ZBTB38: variants seen among roughly 807,000 people sequenced by gnomAD.
ZBTB38 encodes the protein zinc finger and BTB domain-containing protein 38.
Under a neutral mutation model 76.8 loss-of-function variants are expected in ZBTB38, and 20 were observed. That is an observed-to-expected ratio of 0.26 (90% CI 0.18 to 0.38). ZBTB38 has a LOEUF of 0.38. Ranked by LOEUF, ZBTB38 falls within the 10% of genes least tolerant of loss-of-function variation. The pLI is 1.00. For synonymous variants in ZBTB38, 504 were observed against 544.2 expected, an observed-to-expected ratio of 0.93 and a Z score of 1.03; for missense variants, 1,082 against 1,482.3, an observed-to-expected ratio of 0.73 and a Z score of 4.43.
intron 2 of ZBTB38, among the ~76,000 whole-genome samples, chr3:141,371,041 C>CTTTTTTTT (rs1944488920): frequency 1.1e-4 from 8 of 75,468 alleles, no homozygotes; most frequent in African/African-American, 4.6e-4. Context: ...TCTTTTCTTT[C>CTTTTTTTT]TTTCTTTTTT....
At chr3:141,428,197 A>C (rs545517817) in intron 5 of ZBTB38, among the ~76,000 whole-genome samples, 2 of 152,264 alleles carry the variant, frequency 1.3e-5, no homozygotes, top group East Asian at 3.9e-4. Context: ...GTTGCCCCCA[A>C]CTGCCCAACC....
At chr3:141,405,081 TAGTA>T (rs1222283537) in intron 5 of ZBTB38, among the ~76,000 whole-genome samples, 1 of 152,262 alleles carries the variant, frequency 6.6e-6, no homozygotes, top group East Asian at 1.9e-4. Flanking sequence ...TTATAAATGA[TAGTA>T]AGGCCTTCTC....
At chr3:141,376,788 T>C (rs1945420745) in intron 2 of ZBTB38, among the ~76,000 whole-genome samples, 1 of 151,958 alleles carries the variant, frequency 6.6e-6, no homozygotes, top group East Asian at 1.9e-4. Flanking sequence ...GAGACAAAAA[T>C]AGGAGTTCCA....
Position 141,368,577 on chromosome 3 carries a change from C to G in ZBTB38, c.-537C>G, listed in dbSNP as rs1944083453. 1 of 152,236 alleles carries G rather than the reference C, an allele frequency of 6.6e-6. No individual in the cohort carries two copies. Among genetic ancestry groups the G allele is most frequent in the Non-Finnish European group, 1.5e-5 (1 of 68,036 alleles). The allele number at this position is 152,236 out of a possible 1,614,324, so 9.4% of individuals were successfully genotyped here. On this transcript the variant is annotated 5_prime_UTR_variant, in exon 1 of 6. The change creates a new upstream start codon in the 5' untranslated region. Coordinates refer to ENST00000321464, the MANE Select transcript of ZBTB38 (RefSeq NM_001376113.1). ...CAACGGCCTTTCTCTTCCTCTCCAT[C>G]TCCCTATAGCACACCTTTTATTTCT...
rs2073283871 is a variant in ZBTB38, at chr3:141,413,922, TC to T, written c.-1+9892del. Among the ~76,000 whole-genome samples the T allele has an allele frequency of 6.6e-6, 1 of 152,214 alleles. No individual in the cohort carries two copies. The highest frequency in any genetic ancestry group is 2.4e-5 in the African/African-American group (1 of 41,458). On this transcript the variant is annotated intron_variant, in intron 5 of 5. Transcript: ENST00000321464. This position sits in a 1 kb window ranked among gnomAD's most constrained non-coding sequence, Gnocchi z 4.1. The stretch of plus-strand genomic sequence containing the variant: ...AAAGGGATCCTTAAGAAATAGTATG[TC>T]ACCCAAATATATTCTGTGGTAAGGC...
At position 141,341,497 on chromosome 3, in the gene ZBTB38, A is replaced by G. The variant is rs1366025389; in HGVS notation, c.-739+17041A>G. Among the ~76,000 whole-genome samples, 4 of 152,242 alleles carry G rather than the reference A, an allele frequency of 2.6e-5. No individual in the cohort carries two copies. In the East Asian group the frequency reaches 7.7e-4, roughly 29 times the overall value. The stretch of plus-strand genomic sequence containing the variant: ...CACACCATAGATGGTATCCATATAT[A>G]CAATGGAATATTATTCAGGAGAATT... On this transcript the variant is annotated intron_variant, in intron 1 of 7. Coordinates refer to the ZBTB38 transcript ENST00000509842.
At chr3:141,410,833 A>G (rs900841130) in intron 5 of ZBTB38, among the ~76,000 whole-genome samples, 1 of 152,218 alleles carries the variant, frequency 6.6e-6, no homozygotes, top group African/African-American at 2.4e-5. Context: ...ACATTTACGC[A>G]GGGAGAGAGG....
chr3:141,410,912 A>G (rs1052756535), intron 5 of ZBTB38, among the ~76,000 whole-genome samples: 2 of 152,276 alleles, frequency 1.3e-5, no homozygotes, highest in East Asian at 1.9e-4. Flanking sequence ...ATGCATTTTC[A>G]TGAAAAATCC....
chr3:141,441,534 A>G (rs975220402), intron 5 of ZBTB38, among the ~76,000 whole-genome samples: 3 of 152,214 alleles, frequency 2.0e-5, no homozygotes, highest in Non-Finnish European at 4.4e-5. Context: ...GAGTCACCAT[A>G]GGGCCAATAG....
At chr3:141,345,179 G>A (rs1422282241) in intron 1 of ZBTB38, among the ~76,000 whole-genome samples, 2 of 152,108 alleles carry the variant, frequency 1.3e-5, no homozygotes, top group African/African-American at 2.4e-5. Context: ...GGAAAAATGG[G>A]GCACCCACTC....
At chr3:141,422,613 C>T (rs996097251) in intron 5 of ZBTB38, among the ~76,000 whole-genome samples, 2 of 152,146 alleles carry the variant, frequency 1.3e-5, no homozygotes, top group Non-Finnish European at 2.9e-5. Flanking sequence ...AATCTCTTTA[C>T]TTGGACGGGA....
intron 1 of ZBTB38, among the ~76,000 whole-genome samples, chr3:141,358,617 AT>A (rs1381751739): frequency 1.3e-5 from 2 of 152,172 alleles, no homozygotes; most frequent in African/African-American, 4.8e-5. Context: ...TATAATTCAA[AT>A]TTTTTTAGTA....
chr3:141,428,313 T>C (rs575305834), intron 5 of ZBTB38, among the ~76,000 whole-genome samples: 2 of 152,334 alleles, frequency 1.3e-5, no homozygotes, highest in African/African-American at 2.4e-5. Context: ...TTGTGCCATA[T>C]AGAACAAGTC....
intron 1 of ZBTB38, among the ~76,000 whole-genome samples, chr3:141,345,950 T>C (rs564955792): frequency 6.6e-6 from 1 of 152,064 alleles, no homozygotes; most frequent in South Asian, 2.1e-4. Context: ...AGGGTATGAG[T>C]GGAAGGCAAT....
At chr3:141,349,203 G>T in intron 1 of ZBTB38, among the ~76,000 whole-genome samples, 1 of 152,150 alleles carries the variant, frequency 6.6e-6, no homozygotes, top group Admixed American at 6.5e-5. Context: ...CCCCAAAAAT[G>T]AAACTCCTGA....
At position 141,446,013 on chromosome 3, in the gene ZBTB38, G is replaced by T. The variant is rs1296664955; in HGVS notation, c.*37G>T. 1.3e-6 allele frequency: 2 copies of T among 1,503,330 alleles called. No individual in the cohort carries two copies. The highest frequency in any genetic ancestry group is 8.9e-7 in the Non-Finnish European group (1 of 1,128,902). 93.1% of individuals were successfully genotyped at this position (1,503,330 alleles called of 1,614,324 possible). ...TAGAAAAATCTTCAAAAATATAGTTGGTGGTTTTTTTAGTTATGATTTAAG... is the reference window on the plus strand; with the variant it reads ...TAGAAAAATCTTCAAAAATATAGTTTGTGGTTTTTTTAGTTATGATTTAAG... On this transcript the variant is annotated 3_prime_UTR_variant, in exon 6 of 6. Coordinates refer to ENST00000321464, the MANE Select transcript of ZBTB38 (RefSeq NM_001376113.1).
At chr3:141,432,739 T>C (rs1207765745) in intron 5 of ZBTB38, among the ~76,000 whole-genome samples, 1 of 152,226 alleles carries the variant, frequency 6.6e-6, no homozygotes, top group African/African-American at 2.4e-5. Flanking sequence ...CCTTAACTAA[T>C]TGAAGGGAGA....
intron 4 of ZBTB38, chr3:141,402,708 G>C (rs978719795): frequency 2.0e-5 from 3 of 152,060 alleles, no homozygotes; most frequent in Non-Finnish European, 4.4e-5. Flanking sequence ...GGGTGGGTTC[G>C]GCTGGAGAGT....
At chr3:141,421,818 C>T (rs943270085) in intron 5 of ZBTB38, among the ~76,000 whole-genome samples, 4 of 152,228 alleles carry the variant, frequency 2.6e-5, no homozygotes, top group Non-Finnish European at 5.9e-5. Context: ...ACATCCCAAG[C>T]TCTGGTCATA....
Sources: allele counts gnomAD v4.1 joint callset (sites outside exome capture counted in the v4.1 genomes callset), GRCh38; gene constraint gnomAD v4.1.1; non-coding constraint Gnocchi (gnomAD v3.1); transcripts MANE v1.5; gene names NCBI Gene and HGNC (gene_info 2026-07-23, HGNC 2026-07-21).